SLC5A3: variants seen among roughly 807,000 people sequenced by gnomAD.
SLC5A3 encodes solute carrier family 5 member 3, also known as sodium/myo-inositol cotransporter.
In SLC5A3, 10 loss-of-function variants were observed where a neutral mutation model predicts 43.2. The ratio of observed to expected loss-of-function variants is 0.23; its 90% CI spans 0.14 to 0.39. SLC5A3 has a LOEUF of 0.39. SLC5A3 is among the 10% of genes least tolerant of loss of function. SLC5A3 has a pLI of 1.00. For missense variants in SLC5A3, 608 were observed against 893.4 expected (o/e 0.68, Z 4.07); for synonymous variants, 349 against 322.0 (o/e 1.08, Z -0.90).
At chr21:34,078,520 A>C (rs1189815677) in intron 1 of SLC5A3, among the ~76,000 whole-genome samples, 1 of 152,084 alleles carries the variant, frequency 6.6e-6, no homozygotes, top group Non-Finnish European at 1.5e-5. Flanking sequence ...TTCAATACTG[A>C]TGTTTCTAGA....
At position 34,078,706 on chromosome 21, in the gene SLC5A3, C is replaced by A. The variant is rs183286188; in HGVS notation, c.-337+4961C>A. Among the ~76,000 whole-genome samples, 9 of 152,160 alleles carry A rather than the reference C, an allele frequency of 5.9e-5. No individual in the cohort carries two copies. The East Asian group carries it at 9.6e-4, about 16-fold the overall frequency. On this transcript the variant is annotated intron_variant, in intron 1 of 1. Coordinates refer to ENST00000381151, the MANE Select transcript of SLC5A3 (RefSeq NM_006933.7). The stretch of plus-strand genomic sequence containing the variant: ...TGTTTGTACTACTACATGTTTAACT[C>A]ATCTAAAAGAAACCTGGAATACCAT...
intron 1 of SLC5A3, among the ~76,000 whole-genome samples, chr21:34,084,974 T>C (rs761186688): frequency 1.3e-5 from 2 of 151,708 alleles, no homozygotes; most frequent in Non-Finnish European, 1.5e-5. Flanking sequence ...GACATACCTT[T>C]CTTAGGAATA....
intron 1 of SLC5A3, among the ~76,000 whole-genome samples, chr21:34,081,679 T>C (rs1989462104): frequency 1.3e-5 from 2 of 152,132 alleles, no homozygotes; most frequent in Non-Finnish European, 2.9e-5. Context: ...AGTAATTCAT[T>C]TGGGAGGGTA....
rs1979073449 is a variant in SLC5A3, at chr21:34,098,459, CCT to C, written c.*1105_*1106del. 6 of 999,686 alleles carry C rather than the reference CCT, an allele frequency of 6.0e-6. No individual in the cohort carries two copies. The highest frequency in any genetic ancestry group is 7.2e-6 in the Non-Finnish European group (6 of 829,874). 61.9% of individuals were successfully genotyped at this position (999,686 alleles called of 1,614,324 possible). On this transcript the variant is annotated 3_prime_UTR_variant, in exon 2 of 2. Coordinates refer to ENST00000381151, the MANE Select transcript of SLC5A3 (RefSeq NM_006933.7). ...TTATTGCATCCTTGATAAGTTTTTC[CCT>C]GATTTTTTTTTTCCTCAAAAGACTT...
intron 1 of SLC5A3, among the ~76,000 whole-genome samples, chr21:34,081,556 T>C (rs1401487840): frequency 6.6e-6 from 1 of 152,146 alleles, no homozygotes; most frequent in African/African-American, 2.4e-5. Flanking sequence ...AAGACTGGCA[T>C]TGGGAGACTA....
chr21:34,088,420 C>T (rs565242277), intron 1 of SLC5A3, among the ~76,000 whole-genome samples: 1 of 152,250 alleles, frequency 6.6e-6, no homozygotes, highest in East Asian at 1.9e-4. Context: ...TACTTTTAAT[C>T]TCTGCATTTT....
intron 1 of SLC5A3, among the ~76,000 whole-genome samples, chr21:34,082,764 A>G (rs1989488039): frequency 6.7e-6 from 1 of 148,676 alleles, no homozygotes; most frequent in Non-Finnish European, 1.5e-5. Context: ...CACTCCAGAT[A>G]GATAACATCA....
rs980782884 is a variant in SLC5A3 at position 34,073,612 on chromosome 21, T to C, written c.-470T>C. ...GCCTGGGAGCCGTCCGGCGCAGCAG[T>C]TTCTAGGTCCCCACTGTCCCCGCCG... On this transcript the variant is annotated 5_prime_UTR_variant, in exon 1 of 2. Transcript: ENST00000381151. 49 of 1,195,524 alleles carry C rather than the reference T, an allele frequency of 4.1e-5. No homozygotes were observed. Among genetic ancestry groups the C allele is most frequent in the Non-Finnish European group, 5.1e-5 (44 of 857,176 alleles). The allele number at this position is 1,195,524 out of a possible 1,614,324, so 74.1% of individuals were successfully genotyped here.
Position 34,098,373 on chromosome 21 carries a change from C to T in SLC5A3, c.*1018C>T. The T allele has an allele frequency of 2.0e-6, 2 of 1,000,244 alleles. No individual in the cohort carries two copies. 62.0% of individuals were successfully genotyped at this position (1,000,244 alleles called of 1,614,324 possible). A position where few individuals can be genotyped will look rare whatever the true frequency, so the allele number is the denominator to read the frequency against. On this transcript the variant is annotated 3_prime_UTR_variant, in exon 2 of 2. Coordinates refer to ENST00000381151, the MANE Select transcript of SLC5A3 (RefSeq NM_006933.7). ...TGCCTTTGTGTGCTGGATTGCTCTA[C>T]TTGATTAGATCATGATATATCAAGG...
rs746674974 is a variant in SLC5A3, at chr21:34,095,388, C to G, written c.190C>G (p.His64Asp). 1 of 1,614,050 alleles carries G rather than the reference C, an allele frequency of 6.2e-7. No homozygotes were observed. The highest frequency in any genetic ancestry group is 8.5e-7 in the Non-Finnish European group (1 of 1,179,982). The change falls in exon 2 of 2, where the codon CAC becomes GAC. Residue 64 changes from histidine to aspartate, a missense_variant. Physicochemically the swap from His to Asp is moderately conservative, Grantham distance 81 (BLOSUM62 -1). Around this residue, in one of 2 missense-constraint regions of SLC5A3, gnomAD observed 398 missense variants for 668.6 expected, o/e 0.60. Transcript: ENST00000381151. ...SLFVSNIGSEHFIGLAGSGAA... is the reference protein window; with the variant it reads ...SLFVSNIGSEDFIGLAGSGAA... ...GTTTGTGAGCAATATTGGGAGTGAG[C>G]ACTTCATTGGGCTGGCAGGATCTGG...
intron 1 of SLC5A3, among the ~76,000 whole-genome samples, chr21:34,086,517 T>TTGTGTGTGTGTG (rs34988334): frequency 6.7e-6 from 1 of 148,274 alleles, no homozygotes; most frequent in South Asian, 2.1e-4. Flanking sequence ...TAGTTTGTGT[T>TTGTGTGTGTGTG]TGTGTGTGTG....
rs760795959 is a variant in SLC5A3, at chr21:34,096,856, T to C, written c.1658T>C (p.Val553Ala). 3 of 1,614,002 alleles carry C rather than the reference T, an allele frequency of 1.9e-6. No homozygotes were observed. The highest frequency in any genetic ancestry group is 1.7e-5 in the Admixed American group (1 of 59,996). ...ACCTTTTGGTCTAAGAAGAACCTGG[T>C]GGTGAAGGAGAACTGCTCCCCAAAA... Reference protein sequence around the residue: ...TTTFWSKKNLVVKENCSPKEE... With the variant: ...TTTFWSKKNLAVKENCSPKEE... Residue 553 changes from valine (V) to alanine (A), a missense_variant, in exon 2 of 2, where the codon GTG becomes GCG. Physicochemically the swap from Val to Ala is moderately conservative, Grantham distance 64. Transcript: ENST00000381151. This position sits in a 1 kb window ranked among gnomAD's most constrained non-coding sequence, Gnocchi z 5.9.
Position 34,098,774 on chromosome 21 carries a change from G to T in SLC5A3, c.*1419G>T, listed in dbSNP as rs1029209798. On this transcript the variant is annotated 3_prime_UTR_variant, in exon 2 of 2. Coordinates refer to ENST00000381151, the MANE Select transcript of SLC5A3 (RefSeq NM_006933.7). ...CAGCTAGTGGGTACAGGGTACAAAA[G>T]ATGTTAGAGAAAAGCTCTACAGATT... is the stretch of plus-strand genomic sequence containing the variant. 7.0e-6 allele frequency: 7 copies of T among 1,000,108 alleles called. No homozygotes were observed. In the East Asian group the frequency reaches 7.9e-4, roughly 113 times the overall value. The allele number at this position is 1,000,108 out of a possible 1,614,324, so 62.0% of individuals were successfully genotyped here.
In SLC5A3 at chr21:34,103,318, A is replaced by T; in HGVS notation, c.*5963A>T. On this transcript the variant is annotated 3_prime_UTR_variant, in exon 2 of 2. Coordinates refer to ENST00000381151, the MANE Select transcript of SLC5A3 (RefSeq NM_006933.7). ...TTGTCGTAACTAGTGAAGGAAGTAAAAAAAAAAAAAAAACATGCATTACAT... is the reference window on the plus strand; with the variant it reads ...TTGTCGTAACTAGTGAAGGAAGTAATAAAAAAAAAAAAACATGCATTACAT... 1 of 955,996 alleles carries T rather than the reference A, an allele frequency of 1.0e-6. No homozygotes were observed. The highest frequency in any genetic ancestry group is 1.2e-4 in the East Asian group (1 of 8,636). 59.2% of individuals were successfully genotyped at this position (955,996 alleles called of 1,614,324 possible).
intron 1 of SLC5A3, among the ~76,000 whole-genome samples, chr21:34,078,509 A>G (rs1989386227): frequency 6.6e-6 from 1 of 152,116 alleles, no homozygotes; most frequent in African/African-American, 2.4e-5. Context: ...TGACTCACAC[A>G]TTCAATACTG....
chr21:34,074,220 C>T (rs1989265803), intron 1 of SLC5A3, among the ~76,000 whole-genome samples: 2 of 151,044 alleles, frequency 1.3e-5, no homozygotes, highest in Non-Finnish European at 3.0e-5. Context: ...CGACCGCCTC[C>T]GCTCTAGCGC....
Position 34,099,158 on chromosome 21 carries a change from A to G in SLC5A3, c.*1803A>G, listed in dbSNP as rs1979113900. 1.0e-6 allele frequency: 1 copy of G among 999,296 alleles called. No homozygotes were observed. 61.9% of individuals were successfully genotyped at this position (999,296 alleles called of 1,614,324 possible). On this transcript the variant is annotated 3_prime_UTR_variant, in exon 2 of 2. Transcript: ENST00000381151. ...AAAAAATAATTTATGTATGAATAGC[A>G]TGTATTTCTGAAGAGCTTAGAGTGC...
intron 1 of SLC5A3, among the ~76,000 whole-genome samples, chr21:34,087,743 G>GC (rs1223675770): frequency 1.3e-5 from 2 of 152,232 alleles, no homozygotes; most frequent in East Asian, 3.8e-4. Context: ...TGCTTGCTGT[G>GC]CTAGTGCCCT....
At position 34,095,186 on chromosome 21, in the gene SLC5A3, A is replaced by G. The variant is rs1978908603; in HGVS notation, c.-13A>G. On this transcript the variant is annotated 5_prime_UTR_variant, in exon 2 of 2. Transcript: ENST00000381151. ...TTCTGTCATTGGAGCGCTATTATTC[A>G]CAAGTTACCAGAATGAGAGCTGTAC... is the stretch of plus-strand genomic sequence containing the variant. 6.3e-7 allele frequency: 1 copy of G among 1,577,468 alleles called. No individual in the cohort carries two copies. The highest frequency in any genetic ancestry group is 1.4e-5 in the African/African-American group (1 of 73,282).
Sources: gnomAD v4.1 joint callset for allele counts (sites outside exome capture counted in the v4.1 genomes callset) on GRCh38, gnomAD v4.1.1 for gene constraint, gnomAD v4.1.1 regional missense constraint, Gnocchi (gnomAD v3.1) non-coding constraint, MANE v1.5 for transcripts, NCBI Gene and HGNC (gene_info 2026-07-23, HGNC 2026-07-21) for gene names.